The following NELL2 variants were observed in gnomAD, a reference collection of about 807,000 sequenced individuals.
The protein encoded by NELL2 is neural EGFL like 2.
In NELL2, 41 loss-of-function variants were observed where a neutral mutation model predicts 109.6. That is an observed-to-expected ratio of 0.37 (90% confidence interval 0.29 to 0.49). NELL2 has a LOEUF of 0.49. Ranked by LOEUF, NELL2 falls within the 20% of genes least tolerant of loss-of-function variation. NELL2 has a pLI of 0.98. For synonymous variants in NELL2, 355 were observed against 344.7 expected (o/e 1.03, Z -0.33); for missense variants, 900 against 1,008.3 (o/e 0.89, Z 1.45).
intron 15 of NELL2, among the ~76,000 whole-genome samples, chr12:44,556,566 A>C (rs1364063812): frequency 6.6e-6 from 1 of 152,200 alleles, no homozygotes; most frequent in East Asian, 1.9e-4. Context: ...CTCTACCTAA[A>C]GAAACAGACA....
At chr12:44,769,154 A>T (rs910016991) in intron 9 of NELL2, among the ~76,000 whole-genome samples, 3 of 152,068 alleles carry the variant, frequency 2.0e-5, no homozygotes, top group Non-Finnish European at 4.4e-5. Flanking sequence ...AATCTCCACT[A>T]CCCTTACTTT....
chr12:44,870,582 T>C (rs559606456), intron 2 of NELL2, among the ~76,000 whole-genome samples: 1 of 152,164 alleles, frequency 6.6e-6, no homozygotes, highest in Non-Finnish European at 1.5e-5. Flanking sequence ...CTACATTCCT[T>C]CTGGAGGCTG....
intron 13 of NELL2, among the ~76,000 whole-genome samples, chr12:44,637,454 A>G (rs1555189563): frequency 1.4e-5 from 2 of 145,878 alleles, no homozygotes; most frequent in Non-Finnish European, 3.0e-5. Context: ...ACAGGAAATA[A>G]GCTGATACAC....
At chr12:44,675,848 A>G (rs1181285356) in intron 12 of NELL2, among the ~76,000 whole-genome samples, 1 of 152,142 alleles carries the variant, frequency 6.6e-6, no homozygotes, top group Non-Finnish European at 1.5e-5. Flanking sequence ...AGCCATAACA[A>G]GAGCAACATT....
chr12:44,742,487 G>A (rs1036607640), intron 9 of NELL2, among the ~76,000 whole-genome samples: 2 of 152,200 alleles, frequency 1.3e-5, no homozygotes, highest in African/African-American at 4.8e-5. Flanking sequence ...AGAGAAGAAG[G>A]CTTCAGACGA....
chr12:44,747,705 C>A (rs924152380), intron 9 of NELL2, among the ~76,000 whole-genome samples: 1 of 151,946 alleles, frequency 6.6e-6, no homozygotes, highest in Non-Finnish European at 1.5e-5. Flanking sequence ...ACAGATTATC[C>A]CTATCAGTAA....
chr12:44,905,105 G>C (rs1457701688), intron 1 of NELL2, among the ~76,000 whole-genome samples: 1 of 152,182 alleles, frequency 6.6e-6, no homozygotes. Context: ...TATCTTATTT[G>C]AAAATCCAAA....
At chr12:44,517,797 C>T (rs1373851881) in intron 19 of NELL2, among the ~76,000 whole-genome samples, 1 of 151,996 alleles carries the variant, frequency 6.6e-6, no homozygotes, top group Non-Finnish European at 1.5e-5. Flanking sequence ...TCTGGTTTTG[C>T]TTATCATTAT....
chr12:44,589,180 T>A (rs775674439), intron 15 of NELL2, among the ~76,000 whole-genome samples: 10 of 152,148 alleles, frequency 6.6e-5, no homozygotes, highest in Non-Finnish European at 1.2e-4. Flanking sequence ...TTGACTATGA[T>A]GTTGGCCTGC....
rs375946624 is a variant in NELL2, at chr12:44,659,787, A to T, written c.1444+5697T>A. 2.6e-5 allele frequency among the ~76,000 whole-genome samples: 4 copies of T among 152,256 alleles called. No individual in the cohort carries two copies. The East Asian group carries it at 7.7e-4, about 29-fold the overall frequency. ...CACCAGAGGAGCCCCTTTTTTTTCAACAACAAAAACTCAAGTATCTAGTAG... is the reference window on the plus strand; with the variant it reads ...CACCAGAGGAGCCCCTTTTTTTTCATCAACAAAAACTCAAGTATCTAGTAG... On this transcript the variant is annotated intron_variant, in intron 13 of 19. Coordinates refer to ENST00000429094, the MANE Select transcript of NELL2 (RefSeq NM_001145108.2).
intron 15 of NELL2, among the ~76,000 whole-genome samples, chr12:44,533,105 G>A (rs1385428208): frequency 6.6e-6 from 1 of 152,170 alleles, no homozygotes; most frequent in East Asian, 1.9e-4. Flanking sequence ...CAGTTAAGGA[G>A]TGATAAGTGT....
In NELL2 at chr12:44,508,691, C is replaced by T. The variant is rs73282339; in HGVS notation, c.*243G>A. 1.3e-3 allele frequency: 676 copies of T among 503,754 alleles called. 6 individuals carry two copies. Among genetic ancestry groups the T allele is most frequent in the African/African-American group, 0.012 (612 of 51,190 alleles). 31.2% of individuals were successfully genotyped at this position (503,754 alleles called of 1,614,324 possible). A position where few individuals can be genotyped will look rare whatever the true frequency, so the allele number is the denominator to read the frequency against. On this transcript the variant is annotated 3_prime_UTR_variant, in exon 20 of 20. Transcript: ENST00000429094. ...AGGATGTCACGGTATATACTGTACG[C>T]CCATTCTTCTACATGGTGATGTGAG...
intron 1 of NELL2, among the ~76,000 whole-genome samples, chr12:44,920,697 A>G (rs1945862381): frequency 6.6e-6 from 1 of 152,210 alleles, no homozygotes; most frequent in Non-Finnish European, 1.5e-5. Context: ...CCTACAAGCA[A>G]ATGAATACCA....
At chr12:44,787,423 A>T (rs1179492965) in intron 3 of NELL2, among the ~76,000 whole-genome samples, 2 of 148,336 alleles carry the variant, frequency 1.3e-5, no homozygotes, top group Non-Finnish European at 3.0e-5. Context: ...CATTATCCTA[A>T]AATTTATACG....
chr12:44,907,921 G>T (rs142655317), intron 1 of NELL2, among the ~76,000 whole-genome samples: 4 of 152,156 alleles, frequency 2.6e-5, no homozygotes, highest in African/African-American at 9.6e-5. Context: ...CTACAAGGCA[G>T]AAGGCAGAGT....
At chr12:44,879,626 C>A (rs1311669542), upstream of NELL2, among the ~76,000 whole-genome samples, 1 of 151,716 alleles carries the variant, frequency 6.6e-6, no homozygotes, top group African/African-American at 2.4e-5. Flanking sequence ...CTATCGGGAC[C>A]CTAAGAAAAT....
At chr12:44,746,755 T>C (rs576979100) in intron 9 of NELL2, among the ~76,000 whole-genome samples, 1 of 152,232 alleles carries the variant, frequency 6.6e-6, no homozygotes, top group Non-Finnish European at 1.5e-5. Context: ...TGAGATACCA[T>C]CTCATACCAG....
At chr12:44,913,198 T>A (rs1945798368) in intron 1 of NELL2, among the ~76,000 whole-genome samples, 1 of 151,994 alleles carries the variant, frequency 6.6e-6, no homozygotes, top group South Asian at 2.1e-4. Context: ...TAGGTGAAAA[T>A]GAGATAACAC....
chr12:44,653,177 A>T (rs992746746), intron 13 of NELL2, among the ~76,000 whole-genome samples: 1 of 152,216 alleles, frequency 6.6e-6, no homozygotes, highest in Non-Finnish European at 1.5e-5. Context: ...AACAAGTATT[A>T]TGTACTGAGT....
Sources: gnomAD v4.1 joint callset for allele counts (sites outside exome capture counted in the v4.1 genomes callset) on GRCh38, gnomAD v4.1.1 for gene constraint, MANE v1.5 for transcripts, NCBI Gene and HGNC (gene_info 2026-07-23, HGNC 2026-07-21) for gene names.